Variants in TRIM59 observed in about 807,000 individuals in gnomAD.
TRIM59 encodes tripartite motif containing 59, also known as tripartite motif-containing protein 59.
TRIM59 carries 14 observed loss-of-function variants against 32.2 expected under a neutral mutation model. The ratio of observed to expected loss-of-function variants is 0.43; its 90% CI spans 0.29 to 0.68. The LOEUF (loss-of-function observed/expected upper bound fraction) is 0.68. Among genes scored for constraint, TRIM59 ranks in the 30% least tolerant of loss-of-function variants. The probability of loss-of-function intolerance (pLI) is 0.15; values close to 1 mark genes in which losing one functional copy is unlikely to be tolerated. For synonymous variants in TRIM59, 163 were observed against 155.1 expected (o/e 1.05, Z -0.38); for missense variants, 471 against 463.3 (o/e 1.02, Z -0.15).
rs1165753082 is a variant in TRIM59 at position 160,439,089 on chromosome 3, T to C, written c.95A>G (p.Asn32Ser). 1.7e-5 allele frequency: 26 copies of C among 1,554,684 alleles called. No individual in the cohort carries two copies. Among genetic ancestry groups the C allele is most frequent in the East Asian group, 2.2e-5 (1 of 44,448 alleles). The change falls in exon 3 of 3, where the codon AAT (asparagine) becomes AGT (serine). Residue 32 changes from asparagine (N) to serine (S), a missense_variant. Physicochemically the swap from Asn to Ser is conservative, Grantham distance 46 (BLOSUM62 1). Coordinates refer to ENST00000309784, the MANE Select transcript of TRIM59 (RefSeq NM_173084.3). ...TGCCTGAAGAATGTTTTCCAAACAA[T>C]TTCTACAAAATGTATGAGAGCATGG... ...VLPCSHTFCR[N>S]CLENILQASG...
Position 160,438,529 on chromosome 3 carries a change from T to G in TRIM59, c.655A>C (p.Thr219Pro). 1 of 1,612,326 alleles carries G rather than the reference T, an allele frequency of 6.2e-7. No individual in the cohort carries two copies. The highest frequency in any genetic ancestry group is 8.5e-7 in the Non-Finnish European group (1 of 1,179,642). Residue 219 changes from threonine to proline, a missense_variant, in exon 3 of 3, where the codon ACT becomes CCT. Coordinates refer to ENST00000309784, the MANE Select transcript of TRIM59 (RefSeq NM_173084.3). ...DVGNLINQEY[T>P]PQIERMKEIR... is the part of the protein sequence containing the mutation. ...TCCTTCATTCTTTCAATTTGTGGAG[T>G]ATATTCTTGATTAATTAGATTGCCA...
At position 160,449,732 on chromosome 3, in the gene TRIM59, G is replaced by A; in HGVS notation, c.-89C>T. The A allele has an allele frequency of 7.8e-7, 1 of 1,289,968 alleles. No homozygotes were observed. Among genetic ancestry groups the A allele is most frequent in the Non-Finnish European group, 1.0e-6 (1 of 988,976 alleles). 79.9% of individuals were successfully genotyped at this position (1,289,968 alleles called of 1,614,324 possible). On this transcript the variant is annotated 5_prime_UTR_variant, in exon 1 of 3. Transcript: ENST00000309784. ...TTAGACTCACCGCGGGGAGGAAGCG[G>A]ACCAGGCAACTCCACAGCACGGAAA... is the stretch of plus-strand genomic sequence containing the variant.
At position 160,435,832 on chromosome 3, in the gene TRIM59, GAA is replaced by G. The variant is rs1211829471; in HGVS notation, c.*2138_*2139del. On this transcript the variant is annotated 3_prime_UTR_variant, in exon 3 of 3. Transcript: ENST00000309784. ...AGTGATAGCATGAACTCTGAAAAGA[GAA>G]TGCATGGGTTTTCTCACAGCTATAT... 7 of 653,472 alleles carry G rather than the reference GAA, an allele frequency of 1.1e-5. No homozygotes were observed. Among genetic ancestry groups the G allele is most frequent in the Non-Finnish European group, 1.7e-5 (7 of 410,124 alleles). 40.5% of individuals were successfully genotyped at this position (653,472 alleles called of 1,614,324 possible). A position where few individuals can be genotyped will look rare whatever the true frequency, so the allele number is the denominator to read the frequency against.
chr3:160,448,823 T>C (rs1287534346), intron 1 of TRIM59, 28 bp from the exon 2 acceptor site: 16 of 1,135,834 alleles, frequency 1.4e-5, no homozygotes, highest in Non-Finnish European at 1.1e-5. Context: ...TTATCTTTAA[T>C]GTTTTCAATT....
intron 2 of TRIM59, among the ~76,000 whole-genome samples, chr3:160,446,568 A>G (rs1328034631): frequency 6.6e-6 from 1 of 152,234 alleles, no homozygotes; most frequent in Non-Finnish European, 1.5e-5. Flanking sequence ...TATAATATAT[A>G]TAATATCAAA....
At position 160,438,375 on chromosome 3, in the gene TRIM59, G is replaced by C. The variant is rs200518472; in HGVS notation, c.809C>G (p.Pro270Arg). The change falls in exon 3 of 3, where the codon CCT (proline) becomes CGT (arginine). Residue 270 changes from proline to arginine, a missense_variant. Physicochemically the swap from Pro to Arg is moderately radical, Grantham distance 103. Transcript: ENST00000309784. ...ATAAATTTCAACGGGTTGAACCTCA[G>C]GAAGTGGTCTTTGTTTCAAGATCTG... ...HVQILKQRPLPEVQPVEIYPR... is the reference protein window; with the variant it reads ...HVQILKQRPLREVQPVEIYPR... 6.2e-7 allele frequency: 1 copy of C among 1,613,722 alleles called. No individual in the cohort carries two copies. The highest frequency in any genetic ancestry group is 2.2e-5 in the East Asian group (1 of 44,858).
chr3:160,449,411 G>T, intron 1 of TRIM59: 1 of 1,019,542 alleles, frequency 9.8e-7, no homozygotes, highest in Non-Finnish European at 1.2e-6. Flanking sequence ...CCTCCACCTC[G>T]GCACCCGCCC....
At chr3:160,443,517 A>T in intron 2 of TRIM59, among the ~76,000 whole-genome samples, 1 of 152,250 alleles carries the variant, frequency 6.6e-6, no homozygotes, top group East Asian at 1.9e-4. Context: ...CTTTCTAAAG[A>T]AGCTACTGCA....
Position 160,438,940 on chromosome 3 carries a change from T to A in TRIM59, c.244A>T (p.Ile82Phe). 6.2e-7 allele frequency: 1 copy of A among 1,614,170 alleles called. No homozygotes were observed. Among genetic ancestry groups the A allele is most frequent in the Non-Finnish European group, 8.5e-7 (1 of 1,180,010 alleles). ...TCTTCTTGCTGGTACTTTTCAATAA[T>A]AGCCCTTAGTGCAAAATTAACAGGT... The part of the protein sequence containing the change: ...SLPVNFALRA[I>F]IEKYQQEDHP... The change falls in exon 3 of 3, where the codon ATT becomes TTT. Residue 82 changes from isoleucine (I) to phenylalanine (F), a missense_variant. Coordinates refer to ENST00000309784, the MANE Select transcript of TRIM59 (RefSeq NM_173084.3).
At position 160,436,095 on chromosome 3, in the gene TRIM59, T is replaced by A; in HGVS notation, c.*1877A>T. The A allele has an allele frequency of 2.7e-6, 3 of 1,101,642 alleles. No individual in the cohort carries two copies. The highest frequency in any genetic ancestry group is 3.4e-6 in the Non-Finnish European group (3 of 895,318). 68.2% of individuals were successfully genotyped at this position (1,101,642 alleles called of 1,614,324 possible). A position where few individuals can be genotyped will look rare whatever the true frequency, so the allele number is the denominator to read the frequency against. ...TCTCTCCTTACCTCTACTATGCCCT[T>A]TAAATGTTCTTTGCCCACACAATAG... is the stretch of plus-strand genomic sequence containing the variant. On this transcript the variant is annotated 3_prime_UTR_variant, in exon 3 of 3. Coordinates refer to ENST00000309784, the MANE Select transcript of TRIM59 (RefSeq NM_173084.3).
rs941528571 is a variant in TRIM59, at chr3:160,435,741, AC to A, written c.*2230del. The A allele has an allele frequency of 3.3e-5, 11 of 337,108 alleles. No individual in the cohort carries two copies. Among genetic ancestry groups the A allele is most frequent in the Non-Finnish European group, 5.3e-5 (9 of 171,286 alleles). 20.9% of individuals were successfully genotyped at this position (337,108 alleles called of 1,614,324 possible). A position where few individuals can be genotyped will look rare whatever the true frequency, so the allele number is the denominator to read the frequency against. On this transcript the variant is annotated 3_prime_UTR_variant, in exon 3 of 3. Transcript: ENST00000309784. ...CAAATCTAAAATGATATATATACTT[AC>A]GTTTTTAGCATTCTTACAGATTACA...
At chr3:160,440,513 C>T (rs1462883828) in intron 2 of TRIM59, among the ~76,000 whole-genome samples, 2 of 152,184 alleles carry the variant, frequency 1.3e-5, no homozygotes, top group African/African-American at 2.4e-5. Flanking sequence ...TTCCTTTATA[C>T]CTACCCTCAA....
At chr3:160,442,942 AC>A (rs908354087) in intron 2 of TRIM59, among the ~76,000 whole-genome samples, 1 of 151,968 alleles carries the variant, frequency 6.6e-6, no homozygotes, top group African/African-American at 2.4e-5. Context: ...ACACCAAGAG[AC>A]CCCCATTCTC....
chr3:160,441,246 G>T (rs1319461894), intron 2 of TRIM59, among the ~76,000 whole-genome samples: 6 of 152,074 alleles, frequency 3.9e-5, no homozygotes, highest in African/African-American at 1.4e-4. Flanking sequence ...CCTCCTATAA[G>T]GGCAGGAATT....
intron 2 of TRIM59, among the ~76,000 whole-genome samples, chr3:160,447,173 G>C (rs1719582297): frequency 6.6e-6 from 1 of 151,858 alleles, no homozygotes; most frequent in African/African-American, 2.4e-5. Context: ...AAATTTTCAA[G>C]CGTCTTGCCT....
chr3:160,443,530 G>T (rs906524798), intron 2 of TRIM59, among the ~76,000 whole-genome samples: 2 of 152,190 alleles, frequency 1.3e-5, no homozygotes, highest in Non-Finnish European at 2.9e-5. Context: ...CTACTGCAGG[G>T]AGAAAAGAAA....
At position 160,437,910 on chromosome 3, in the gene TRIM59, A is replaced by G. The variant is rs548808234; in HGVS notation, c.*62T>C. 3.5e-6 allele frequency: 5 copies of G among 1,441,796 alleles called. No individual in the cohort carries two copies. Among genetic ancestry groups the G allele is most frequent in the Non-Finnish European group, 4.5e-6 (5 of 1,099,008 alleles). 89.3% of individuals were successfully genotyped at this position (1,441,796 alleles called of 1,614,324 possible). On this transcript the variant is annotated 3_prime_UTR_variant, in exon 3 of 3. Coordinates refer to ENST00000309784, the MANE Select transcript of TRIM59 (RefSeq NM_173084.3). The stretch of plus-strand genomic sequence containing the variant: ...GCTTAGTTTGCTCTTTATCCATGCT[A>G]CCCCATTTTTTGTTTAGCAATGTAC...
At position 160,436,430 on chromosome 3, in the gene TRIM59, CAT is replaced by C; in HGVS notation, c.*1540_*1541del. On this transcript the variant is annotated 3_prime_UTR_variant, in exon 3 of 3. Coordinates refer to ENST00000309784, the MANE Select transcript of TRIM59 (RefSeq NM_173084.3). The stretch of plus-strand genomic sequence containing the variant: ...GGGCCAAAAGTCGTAACACATGCAT[CAT>C]AACTCCAGTCCCTGTTAAAGGGAAC... The C allele has an allele frequency of 1.0e-6, 1 of 985,900 alleles. No homozygotes were observed. The highest frequency in any genetic ancestry group is 1.2e-6 in the Non-Finnish European group (1 of 829,974). 61.1% of individuals were successfully genotyped at this position (985,900 alleles called of 1,614,324 possible). A position where few individuals can be genotyped will look rare whatever the true frequency, so the allele number is the denominator to read the frequency against.
intron 2 of TRIM59, 89 bp downstream of exon 2, chr3:160,448,637 A>C: frequency 4.0e-6 from 3 of 750,154 alleles, no homozygotes; most frequent in Non-Finnish European, 5.8e-6. Context: ...TTTTCAAAAG[A>C]CTTCTAAATT....
Sources: allele counts gnomAD v4.1 joint callset (sites outside exome capture counted in the v4.1 genomes callset), GRCh38; gene constraint gnomAD v4.1.1; transcripts MANE v1.5; gene names NCBI Gene and HGNC (gene_info 2026-07-23, HGNC 2026-07-21).